SND1: variants seen among roughly 807,000 people sequenced by gnomAD.
SND1 encodes the protein staphylococcal nuclease and tudor domain containing 1.
In SND1, 38 loss-of-function variants were observed where a neutral mutation model predicts 121.7. The observed-to-expected ratio is 0.31, with a 90% CI of 0.24 to 0.41. SND1 has a LOEUF of 0.41. Among genes scored for constraint, SND1 ranks in the 10% least tolerant of loss-of-function variants. The probability of loss-of-function intolerance (pLI) is 1.00; values close to 1 mark genes in which losing one functional copy is unlikely to be tolerated. For synonymous variants in SND1, 401 were observed against 447.4 expected (o/e 0.90, Z 1.31); for missense variants, 868 against 1,184.6 (o/e 0.73, Z 3.92).
intron 16 of SND1, among the ~76,000 whole-genome samples, chr7:128,032,866 G>C (rs1231727631): frequency 1.3e-5 from 2 of 152,180 alleles, no homozygotes; most frequent in Non-Finnish European, 1.5e-5. Flanking sequence ...TGAGGGTTGC[G>C]GGGGCGGGAA....
intron 16 of SND1, among the ~76,000 whole-genome samples, chr7:128,033,683 A>G (rs950828335): frequency 6.6e-6 from 1 of 152,210 alleles, no homozygotes; most frequent in Non-Finnish European, 1.5e-5. Flanking sequence ...GTCAAATAAT[A>G]ACCTTGTTAG....
At chr7:127,861,806 A>G (rs1007145688) in intron 12 of SND1, among the ~76,000 whole-genome samples, 13 of 152,172 alleles carry the variant, frequency 8.5e-5, no homozygotes, top group African/African-American at 3.1e-4. Flanking sequence ...ATTCCATGCT[A>G]TAACCTAAAA....
At chr7:127,708,412 T>C (rs1796241911) in intron 9 of SND1, among the ~76,000 whole-genome samples, 1 of 20,484 alleles carries the variant, frequency 4.9e-5, no homozygotes, top group African/African-American at 7.5e-5. Context: ...CCTTCCTCCC[T>C]TCCTGCCTTC....
At chr7:127,840,119 A>G (rs1454851462) in intron 11 of SND1, among the ~76,000 whole-genome samples, 2 of 152,228 alleles carry the variant, frequency 1.3e-5, no homozygotes, top group Admixed American at 6.5e-5. Context: ...TGAATAAGAC[A>G]TGGTCTCCCC....
chr7:128,034,460 G>T (rs930706443), intron 16 of SND1, among the ~76,000 whole-genome samples: 6 of 152,126 alleles, frequency 3.9e-5, no homozygotes, highest in African/African-American at 1.4e-4. Flanking sequence ...GGTCTGGATG[G>T]CAGCGATTAA....
chr7:127,886,735 T>C (rs1224264992), intron 12 of SND1, among the ~76,000 whole-genome samples: 1 of 151,842 alleles, frequency 6.6e-6, no homozygotes, highest in Non-Finnish European at 1.5e-5. Context: ...CATTCAAATA[T>C]GTATCATTAA....
intron 12 of SND1, among the ~76,000 whole-genome samples, chr7:127,867,638 A>G (rs1799502671): frequency 6.6e-6 from 1 of 152,202 alleles, no homozygotes; most frequent in Non-Finnish European, 1.5e-5. Context: ...GGTTCATCCT[A>G]TCCTGGCTCT....
chr7:127,793,029 A>G (rs1797941994), intron 10 of SND1, among the ~76,000 whole-genome samples: 1 of 152,244 alleles, frequency 6.6e-6, no homozygotes, highest in African/African-American at 2.4e-5. Context: ...TAGAAAGATC[A>G]GTTTTGAAAC....
At chr7:127,818,969 ATC>A (rs1798497462) in intron 11 of SND1, among the ~76,000 whole-genome samples, 1 of 152,082 alleles carries the variant, frequency 6.6e-6, no homozygotes, top group African/African-American at 2.4e-5. Context: ...TTCTGATTGA[ATC>A]TCTCAACATT....
chr7:127,973,886 C>T lies in SND1; in HGVS notation c.1670-17061C>T, dbSNP rs115058066. ...CCCTGAATTGAGTGGCCTTCCCTGG[C>T]CTGACCACCTGAACCTCTGTGGGGG... is the stretch of plus-strand genomic sequence containing the variant. On this transcript the variant is annotated intron_variant, in intron 15 of 23. Transcript: ENST00000354725. Among the ~76,000 whole-genome samples the T allele has an allele frequency of 5.9e-3, 897 of 152,354 alleles. 16 individuals carry two copies. Among genetic ancestry groups the T allele is most frequent in the African/African-American group, 0.021 (855 of 41,576 alleles).
chr7:127,705,792 T>C (rs1796182080), intron 8 of SND1, among the ~76,000 whole-genome samples: 1 of 152,232 alleles, frequency 6.6e-6, no homozygotes. Context: ...TAGTCCACTC[T>C]CAAGTCTTGC....
intron 3 of SND1, 31 bp downstream of exon 3, chr7:127,694,979 C>G (rs764947166): frequency 1.2e-6 from 2 of 1,602,118 alleles, no homozygotes; most frequent in Admixed American, 1.7e-5. Context: ...TCATTTCTCT[C>G]AAGTCTAAAG....
At chr7:128,028,196 T>A (rs1041750548) in intron 16 of SND1, 4 of 153,040 alleles carry the variant, frequency 2.6e-5, no homozygotes, top group African/African-American at 9.6e-5. Flanking sequence ...TTTGTATTTT[T>A]TTTTAATAAG....
At chr7:127,916,444 A>C (rs888196382) in intron 14 of SND1, among the ~76,000 whole-genome samples, 36 of 152,230 alleles carry the variant, frequency 2.4e-4, no homozygotes, top group African/African-American at 7.9e-4. Flanking sequence ...AACATGTTAA[A>C]ATTGAGGCAC....
At chr7:127,689,475 C>T (rs1795874913) in intron 2 of SND1, among the ~76,000 whole-genome samples, 1 of 152,146 alleles carries the variant, frequency 6.6e-6, no homozygotes, top group African/African-American at 2.4e-5. Context: ...ATTTTAATTT[C>T]CTGTTTTGTG....
chr7:127,917,179 C>G (rs1800598767), intron 14 of SND1, among the ~76,000 whole-genome samples: 1 of 152,152 alleles, frequency 6.6e-6, no homozygotes, highest in Non-Finnish European at 1.5e-5. Flanking sequence ...AATATAATAT[C>G]CACATGTGGT....
At chr7:127,842,794 A>T (rs1468938851) in intron 11 of SND1, among the ~76,000 whole-genome samples, 1 of 152,210 alleles carries the variant, frequency 6.6e-6, no homozygotes, top group Non-Finnish European at 1.5e-5. Flanking sequence ...CTGCAGTTAT[A>T]GGAGCAAGCT....
chr7:127,933,355 A>G (rs933318781), intron 15 of SND1, among the ~76,000 whole-genome samples: 3 of 152,258 alleles, frequency 2.0e-5, no homozygotes, highest in Non-Finnish European at 4.4e-5. Context: ...TAGATTACAC[A>G]GAAGCAAATA....
chr7:127,758,921 G>T (rs954897300), intron 10 of SND1, among the ~76,000 whole-genome samples: 2 of 152,118 alleles, frequency 1.3e-5, no homozygotes, highest in African/African-American at 2.4e-5. Flanking sequence ...GGGCATGGTG[G>T]TGCATGCCTG....
Sources: allele counts gnomAD v4.1 joint callset (sites outside exome capture counted in the v4.1 genomes callset), GRCh38; gene constraint gnomAD v4.1.1; transcripts MANE v1.5; gene names NCBI Gene and HGNC (gene_info 2026-07-23, HGNC 2026-07-21).